XCR1: variants seen among roughly 807,000 people sequenced by gnomAD.
XCR1 encodes X-C motif chemokine receptor 1.
For missense variants in XCR1, 356 were observed against 424.2 expected, an observed-to-expected ratio of 0.84 and a Z score of 1.41; for synonymous variants, 187 against 188.5, an observed-to-expected ratio of 0.99 and a Z score of 0.06.
intron 1 of XCR1, among the ~76,000 whole-genome samples, chr3:46,081,708 A>T (rs769668383): frequency 0.052 from 6,709 of 129,544 alleles, 199 homozygotes; most frequent in African/African-American, 0.16. Context: ...TTTTTTTTTA[A>T]AAATCTTATT....
chr3:46,085,051 G>A (rs1005593581), intron 1 of XCR1, among the ~76,000 whole-genome samples: 1 of 152,018 alleles, frequency 6.6e-6, no homozygotes, highest in African/African-American at 2.4e-5. Flanking sequence ...CCTCACATTG[G>A]CTCAAGTAAA....
intron 5 of XCR1, among the ~76,000 whole-genome samples, chr3:46,038,888 G>A (rs188123940): frequency 2.8e-4 from 42 of 152,108 alleles, no homozygotes; most frequent in African/African-American, 9.4e-4. Flanking sequence ...TAATGCTAAG[G>A]AAAGATTGGC....
intron 5 of XCR1, among the ~76,000 whole-genome samples, chr3:46,053,480 T>G (rs1697789797): frequency 6.6e-6 from 1 of 152,158 alleles, no homozygotes; most frequent in Admixed American, 6.5e-5. Context: ...CCTCTCCTGT[T>G]TTTTATTTTC....
chr3:46,022,930 T>A lies in XCR1; in HGVS notation c.-31-952A>T, dbSNP rs145725007. On this transcript the variant is annotated intron_variant, in intron 1 of 1. Coordinates refer to ENST00000309285, the MANE Select transcript of XCR1 (RefSeq NM_001024644.2). ...TATGTATCAAAATGTAACTAACTAT[T>A]ATACCTGTTCCCAAGGAAATAAAGG... 9.2e-3 allele frequency among the ~76,000 whole-genome samples: 1,396 copies of A among 151,392 alleles called. 13 individuals are homozygous for A. The highest frequency in any genetic ancestry group is 0.027 in the South Asian group (130 of 4,800).
intron 4 of XCR1, among the ~76,000 whole-genome samples, chr3:46,054,810 A>C (rs1273004842): frequency 6.6e-6 from 1 of 152,176 alleles, no homozygotes; most frequent in Non-Finnish European, 1.5e-5. Context: ...CAAGGAAGCA[A>C]TCATGATGAA....
rs1362764606 is a variant in XCR1, at chr3:46,021,420, A to C, written c.528T>G (p.Asp176Glu). 1 of 1,614,148 alleles carries C rather than the reference A, an allele frequency of 6.2e-7. No individual in the cohort carries two copies. The highest frequency in any genetic ancestry group is 8.5e-7 in the Non-Finnish European group (1 of 1,180,024). The change falls in exon 2 of 2, where the codon GAT becomes GAG. Residue 176 changes from aspartate to glutamate, a missense_variant. Coordinates refer to ENST00000309285, the MANE Select transcript of XCR1 (RefSeq NM_001024644.2). The surrounding 1 kb of genome is among the most constrained non-coding windows in gnomAD (Gnocchi z 4.7). ...IFHKVLSSGC[D>E]YSELTWYLTS... ...TGAGGTACCACGTGAGTTCGGAATA[A>C]TCACAGCCCGAAGAAAGCACCTTGT...
At chr3:46,029,509 T>C (rs907761044), upstream of XCR1, among the ~76,000 whole-genome samples, 3 of 152,246 alleles carry the variant, frequency 2.0e-5, no homozygotes, top group Admixed American at 6.5e-5. Context: ...CAAGACCATT[T>C]ACAAGGCCAT....
At chr3:46,065,946 G>A (rs1425990224) in intron 4 of XCR1, among the ~76,000 whole-genome samples, 1 of 152,180 alleles carries the variant, frequency 6.6e-6, no homozygotes, top group Non-Finnish European at 1.5e-5. Flanking sequence ...TGTCCCTGGG[G>A]CATTTGCTAA....
chr3:46,054,658 G>A (rs1051058315), intron 4 of XCR1, among the ~76,000 whole-genome samples: 28 of 152,240 alleles, frequency 1.8e-4, no homozygotes, highest in Non-Finnish European at 3.4e-4. Flanking sequence ...GTATTACCAA[G>A]GAAGAAAGCT....
chr3:46,073,866 C>T (rs927257748), intron 3 of XCR1, among the ~76,000 whole-genome samples: 5 of 150,736 alleles, frequency 3.3e-5, no homozygotes, highest in African/African-American at 7.3e-5. Context: ...CAGATGAAAA[C>T]CAGAACATGA....
At chr3:46,043,983 G>GT (rs971384262) in intron 5 of XCR1, among the ~76,000 whole-genome samples, 16 of 151,202 alleles carry the variant, frequency 1.1e-4, no homozygotes, top group Non-Finnish European at 2.1e-4. Context: ...CCCCATTGTG[G>GT]TTTTTTTTGT....
chr3:46,040,919 T>C (rs1270624315), intron 5 of XCR1, among the ~76,000 whole-genome samples: 4 of 152,056 alleles, frequency 2.6e-5, no homozygotes, highest in Admixed American at 2.6e-4. Flanking sequence ...AGAGCAGGAG[T>C]TGATTGCATG....
intron 4 of XCR1, among the ~76,000 whole-genome samples, chr3:46,054,547 G>A (rs960478440): frequency 2.7e-5 from 4 of 149,614 alleles, no homozygotes; most frequent in Admixed American, 1.3e-4. Flanking sequence ...TCAAAAGGAC[G>A]AGGGGGGGGC....
At chr3:46,035,556 A>G (rs1391304131) in intron 5 of XCR1, among the ~76,000 whole-genome samples, 1 of 152,124 alleles carries the variant, frequency 6.6e-6, no homozygotes, top group East Asian at 1.9e-4. Context: ...AGCCCTCCTA[A>G]GCAGCTGCCC....
intron 3 of XCR1, among the ~76,000 whole-genome samples, chr3:46,068,974 T>A (rs1227622182): frequency 6.6e-6 from 1 of 152,022 alleles, no homozygotes; most frequent in Non-Finnish European, 1.5e-5. Context: ...ACCAAGTGAG[T>A]TATTGAAAAA....
intron 3 of XCR1, among the ~76,000 whole-genome samples, chr3:46,068,738 G>T (rs1698116888): frequency 6.6e-6 from 1 of 151,898 alleles, no homozygotes; most frequent in Non-Finnish European, 1.5e-5. Context: ...TCCAAAATCA[G>T]AATTTGTTCT....
At chr3:46,035,510 C>T (rs1394232630) in intron 5 of XCR1, among the ~76,000 whole-genome samples, 1 of 152,192 alleles carries the variant, frequency 6.6e-6, no homozygotes, top group Non-Finnish European at 1.5e-5. Context: ...GCCACAGTTG[C>T]TCATTGCTCA....
intron 3 of XCR1, among the ~76,000 whole-genome samples, chr3:46,069,365 A>C (rs1200312867): frequency 1.3e-5 from 2 of 152,238 alleles, no homozygotes; most frequent in Non-Finnish European, 2.9e-5. Flanking sequence ...CAAATAAAAA[A>C]AGAAAGACAC....
chr3:46,045,759 C>T (rs1697613608), intron 5 of XCR1, among the ~76,000 whole-genome samples: 1 of 152,186 alleles, frequency 6.6e-6, no homozygotes, highest in Admixed American at 6.5e-5. Flanking sequence ...CTCCTAAACA[C>T]TGTTGATGGG....
Sources: gnomAD v4.1 joint callset for allele counts (sites outside exome capture counted in the v4.1 genomes callset) on GRCh38, gnomAD v4.1.1 for gene constraint, Gnocchi (gnomAD v3.1) non-coding constraint, MANE v1.5 for transcripts, NCBI Gene and HGNC (gene_info 2026-07-23, HGNC 2026-07-21) for gene names.